Variants in SRRM4 observed in about 807,000 individuals in gnomAD.
SRRM4 encodes the protein serine/arginine repetitive matrix protein 4.
A neutral mutation model predicts 68.9 loss-of-function variants in SRRM4; 33 were observed. The ratio of observed to expected loss-of-function variants is 0.48; its 90% CI spans 0.36 to 0.64. The LOEUF (loss-of-function observed/expected upper bound fraction) is 0.64, where lower values mean the gene tolerates loss of function less well. SRRM4 is among the 30% of genes least tolerant of loss of function. The pLI is 0.00. For missense variants in SRRM4, 817 were observed against 827.1 expected, an observed-to-expected ratio of 0.99 and a Z score of 0.15; for synonymous variants, 318 against 318.8, an observed-to-expected ratio of 1.00 and a Z score of 0.03.
At chr12:119,136,254 T>C (rs986222058) in intron 8 of SRRM4, among the ~76,000 whole-genome samples, 2 of 152,148 alleles carry the variant, frequency 1.3e-5, no homozygotes, top group Non-Finnish European at 2.9e-5. Flanking sequence ...CCTTTGTAGA[T>C]AGGGAAAATA....
chr12:119,113,029 A>G (rs1954154362), intron 2 of SRRM4, among the ~76,000 whole-genome samples: 1 of 152,206 alleles, frequency 6.6e-6, no homozygotes, highest in Admixed American at 6.5e-5. Flanking sequence ...AAATTAGTAG[A>G]AAAGCTCAAT....
rs193289163 is a variant in SRRM4 at position 119,099,252 on chromosome 12, A to G, written c.132-2984A>G. Among the ~76,000 whole-genome samples, 687 of 152,266 alleles carry G rather than the reference A, an allele frequency of 4.5e-3. 8 individuals are homozygous for G. Among genetic ancestry groups the G allele is most frequent in the Non-Finnish European group, 5.9e-3 (401 of 68,018 alleles). Reference sequence around the variant, plus strand: ...TGGGTTCAAGCGATTCTCCTGCCTCAGCCTCCTGAGTAGCTGGGATTACAG... The same window carrying G: ...TGGGTTCAAGCGATTCTCCTGCCTCGGCCTCCTGAGTAGCTGGGATTACAG... On this transcript the variant is annotated intron_variant, in intron 1 of 12. Transcript: ENST00000267260.
At position 119,130,682 on chromosome 12, in the gene SRRM4, C is replaced by A. The variant is rs368516977; in HGVS notation, c.619C>A (p.Arg207Ser). Residue 207 changes from arginine (R) to serine (S), a missense_variant, in exon 8 of 13, where the codon CGC (arginine) becomes AGC (serine). Physicochemically the swap from Arg to Ser is moderately radical, Grantham distance 110 (BLOSUM62 -1). Coordinates refer to ENST00000267260, the MANE Select transcript of SRRM4 (RefSeq NM_194286.4). ...GTCTCTCTCCCCCATCCCCAGGCAC[C>A]GCGGCCGGTCCCCTGAGGAAGGGCA... Reference protein sequence around the residue: ...SRPSSCESRHRGRSPEEGQKS... With the variant: ...SRPSSCESRHSGRSPEEGQKS... 15 of 1,609,520 alleles carry A rather than the reference C, an allele frequency of 9.3e-6. No individual in the cohort carries two copies. Among genetic ancestry groups the A allele is most frequent in the African/African-American group, 4.0e-5 (3 of 74,862 alleles).
At chr12:119,024,318 A>G (rs1319053201) in intron 1 of SRRM4, among the ~76,000 whole-genome samples, 1 of 152,134 alleles carries the variant, frequency 6.6e-6, no homozygotes, top group Non-Finnish European at 1.5e-5. Context: ...TCCTCACCCA[A>G]GCTCACTGCT....
chr12:119,141,232 C>T lies in SRRM4; in HGVS notation c.772-4149C>T, dbSNP rs571528665. ...TGTTGGGATTACAGGCGTGAGCCAC[C>T]ATGCTCGGTCTTAGAAGAGAATAAT... On this transcript the variant is annotated intron_variant, in intron 8 of 12. Transcript: ENST00000267260. Among the ~76,000 whole-genome samples, 144 of 152,192 alleles carry T rather than the reference C, an allele frequency of 9.5e-4. 1 individual carries two copies. Among genetic ancestry groups the T allele is most frequent in the African/African-American group, 2.9e-3 (120 of 41,550 alleles).
At chr12:119,115,437 C>A (rs575547182) in intron 3 of SRRM4, among the ~76,000 whole-genome samples, 62 of 152,302 alleles carry the variant, frequency 4.1e-4, no homozygotes, top group African/African-American at 1.5e-3. Context: ...AGGCTGCCAA[C>A]TGAGAATCAC....
chr12:119,075,179 G>A (rs1953900449), intron 1 of SRRM4, among the ~76,000 whole-genome samples: 1 of 152,074 alleles, frequency 6.6e-6, no homozygotes, highest in Admixed American at 6.5e-5. Context: ...CTTTGAATGA[G>A]GTTCATCATT....
At chr12:119,126,971 A>G (rs1447871219) in intron 7 of SRRM4, among the ~76,000 whole-genome samples, 4 of 148,550 alleles carry the variant, frequency 2.7e-5, no homozygotes, top group Non-Finnish European at 5.9e-5. Context: ...AAAAAACCAG[A>G]CACCGCATAT....
chr12:119,070,163 T>C (rs1409844960), intron 1 of SRRM4, among the ~76,000 whole-genome samples: 1 of 150,856 alleles, frequency 6.6e-6, no homozygotes, highest in Non-Finnish European at 1.5e-5. Flanking sequence ...CTCTACAGTA[T>C]AAGCAAATGT....
intron 1 of SRRM4, among the ~76,000 whole-genome samples, chr12:119,048,647 C>T (rs183457955): frequency 6.5e-4 from 99 of 152,152 alleles, no homozygotes; most frequent in Non-Finnish European, 8.1e-4. Flanking sequence ...ATAGCAATTG[C>T]GGGCTGGGTG....
intron 1 of SRRM4, among the ~76,000 whole-genome samples, chr12:119,033,798 T>G (rs1438028302): frequency 6.6e-6 from 1 of 152,234 alleles, no homozygotes; most frequent in African/African-American, 2.4e-5. Context: ...ACACTATGAA[T>G]TTTCTACTGA....
chr12:119,050,729 C>G (rs1953737277), intron 1 of SRRM4, among the ~76,000 whole-genome samples: 1 of 152,114 alleles, frequency 6.6e-6, no homozygotes. Flanking sequence ...AGGTATTCAA[C>G]AAATATTTGT....
intron 9 of SRRM4, among the ~76,000 whole-genome samples, chr12:119,146,444 G>A (rs1306595842): frequency 6.6e-6 from 1 of 151,804 alleles, no homozygotes; most frequent in Non-Finnish European, 1.5e-5. Context: ...AAATTAGCCG[G>A]GTGTGGTGGT....
Position 119,157,364 on chromosome 12 carries a change from G to A in SRRM4, c.*566G>A, listed in dbSNP as rs1056988391. The A allele has an allele frequency of 6.5e-6, 1 of 153,714 alleles. No homozygotes were observed. Among genetic ancestry groups the A allele is most frequent in the Admixed American group, 6.4e-5 (1 of 15,570 alleles). The allele number at this position is 153,714 out of a possible 1,614,324, so 9.5% of individuals were successfully genotyped here. On this transcript the variant is annotated 3_prime_UTR_variant, in exon 13 of 13. Transcript: ENST00000267260. This position sits in a 1 kb window ranked among gnomAD's most constrained non-coding sequence, Gnocchi z 4.1. The stretch of plus-strand genomic sequence containing the variant: ...AAGGCTGGAAGACATTTGGGTCCTA[G>A]AAGAAGGGATATCCTTGAATACCAG...
At chr12:119,030,251 C>T (rs1376493031) in intron 1 of SRRM4, among the ~76,000 whole-genome samples, 1 of 152,166 alleles carries the variant, frequency 6.6e-6, no homozygotes, top group African/African-American at 2.4e-5. Context: ...AAGGGTATGA[C>T]ACAGGATGGG....
intron 1 of SRRM4, among the ~76,000 whole-genome samples, chr12:119,065,009 C>T (rs142823306): frequency 1.1e-3 from 175 of 152,248 alleles, no homozygotes; most frequent in African/African-American, 4.0e-3. Context: ...CTAACATATA[C>T]TAGGAATCAT....
intron 1 of SRRM4, among the ~76,000 whole-genome samples, chr12:119,074,468 T>G (rs974166200): frequency 6.6e-6 from 1 of 152,164 alleles, no homozygotes; most frequent in African/African-American, 2.4e-5. Context: ...CTATAAGCCT[T>G]GTGGTAAGGC....
At chr12:118,989,876 A>G (rs1953305714) in intron 1 of SRRM4, 1 of 152,150 alleles carries the variant, frequency 6.6e-6, no homozygotes, top group African/African-American at 2.4e-5. Flanking sequence ...GCTTCGTTAA[A>G]AGTTAAGCTT....
intron 2 of SRRM4, among the ~76,000 whole-genome samples, chr12:119,106,399 C>T (rs1244232708): frequency 6.6e-6 from 1 of 152,048 alleles, no homozygotes; most frequent in Non-Finnish European, 1.5e-5. Context: ...TTACCTTGGG[C>T]AGTATGGCCA....
Sources: allele counts gnomAD v4.1 joint callset (sites outside exome capture counted in the v4.1 genomes callset), GRCh38; gene constraint gnomAD v4.1.1; non-coding constraint Gnocchi (gnomAD v3.1); transcripts MANE v1.5; gene names NCBI Gene and HGNC (gene_info 2026-07-23, HGNC 2026-07-21).